Variants in MAP4 observed in about 807,000 individuals in gnomAD.
The protein encoded by MAP4 is microtubule-associated protein 4.
In MAP4, 76 loss-of-function variants were observed where a neutral mutation model predicts 170.2. That is an observed-to-expected ratio of 0.45 (90% CI 0.37 to 0.54). The LOEUF (loss-of-function observed/expected upper bound fraction) is 0.54, where lower values mean the gene tolerates loss of function less well. Among genes scored for constraint, MAP4 ranks in the 20% least tolerant of loss-of-function variants. The pLI, the probability that MAP4 is intolerant of heterozygous loss-of-function variation, is 0.00. For missense variants in MAP4, 2,506 were observed against 2,748.0 expected, an observed-to-expected ratio of 0.91 and a Z score of 1.97; for synonymous variants, 909 against 994.5, an observed-to-expected ratio of 0.91 and a Z score of 1.62.
intron 1 of MAP4, among the ~76,000 whole-genome samples, chr3:48,012,321 C>T (rs1330342038): frequency 1.3e-5 from 2 of 152,136 alleles, no homozygotes; most frequent in Non-Finnish European, 2.9e-5. Context: ...TCTTTGATGT[C>T]CACGTGCCTA....
In MAP4 at chr3:47,911,843, G is replaced by A. The variant is rs1364525062; in HGVS notation, c.2578C>T (p.Pro860Ser). ...GCAGTTTTGGGGGCTTCTTCAGAAG[G>A]ATATAAAGGAATTCTGAGACTCTCT... Reference protein sequence around the residue: ...VSESLRIPLYPSEEAPKTAIS... With the variant: ...VSESLRIPLYSSEEAPKTAIS... The change falls in exon 9 of 21, where the codon CCT becomes TCT. Residue 860 changes from proline to serine, a missense_variant. Transcript: ENST00000683076. The surrounding 1 kb of genome is among the most constrained non-coding windows in gnomAD (Gnocchi z 4.0). 2.0e-6 allele frequency: 3 copies of A among 1,536,090 alleles called. No homozygotes were observed. Among genetic ancestry groups the A allele is most frequent in the Middle Eastern group, 1.7e-4 (1 of 5,990 alleles).
intron 1 of MAP4, among the ~76,000 whole-genome samples, chr3:48,076,227 TG>T (rs2100143811): frequency 6.6e-6 from 1 of 151,908 alleles, no homozygotes; most frequent in South Asian, 2.1e-4. Context: ...CCGGGCGCAG[TG>T]GCTCACGCCT....
At chr3:47,955,435 TACACACACACACACACACACACACACAC>T (rs3079351) in intron 3 of MAP4, among the ~76,000 whole-genome samples, 8 of 135,398 alleles carry the variant, frequency 5.9e-5, no homozygotes, top group Admixed American at 1.5e-4. Context: ...AATAAGCACG[TACACACACACACACACACACACACACAC>T]ACACACACAC....
At chr3:47,992,887 GA>G (rs2100093218) in intron 2 of MAP4, among the ~76,000 whole-genome samples, 2 of 145,928 alleles carry the variant, frequency 1.4e-5, no homozygotes, top group African/African-American at 5.1e-5. Flanking sequence ...CTGGGTGACA[GA>G]GAGACACTCC....
intron 1 of MAP4, among the ~76,000 whole-genome samples, chr3:48,067,510 T>C (rs1398998876): frequency 6.6e-6 from 1 of 152,164 alleles, no homozygotes; most frequent in East Asian, 1.9e-4. Flanking sequence ...TTACATGTTT[T>C]GTAGAGACAG....
In MAP4 at chr3:47,868,817, G is replaced by A. The variant is rs146237851; in HGVS notation, c.6408+397C>T. On this transcript the variant is annotated intron_variant, in intron 16 of 20. Coordinates refer to ENST00000683076, the MANE Select transcript of MAP4 (RefSeq NM_001385682.1). ...TCTTCTACTTCAAGGTAAAGCACAG[G>A]GGCTCCAGGGTTCCAGGTGGTGGAA... Among the ~76,000 whole-genome samples the A allele has an allele frequency of 8.2e-4, 125 of 152,244 alleles. No homozygotes were observed. In the East Asian group the frequency reaches 0.022, roughly 26 times the overall value.
At chr3:47,887,038 G>A (rs533799243) in intron 10 of MAP4, among the ~76,000 whole-genome samples, 3 of 152,362 alleles carry the variant, frequency 2.0e-5, no homozygotes, top group South Asian at 4.1e-4. Flanking sequence ...AGGTGACAGC[G>A]TGCTGGCAGT....
At chr3:47,907,411 G>A (rs939631685) in intron 9 of MAP4, among the ~76,000 whole-genome samples, 2 of 152,096 alleles carry the variant, frequency 1.3e-5, no homozygotes, top group African/African-American at 4.8e-5. Flanking sequence ...TCGACAATTA[G>A]TTTAAAAATT....
intron 5 of MAP4, 152 bp from the exon 6 acceptor site, chr3:47,918,993 G>A (rs550251600): frequency 1.1e-5 from 6 of 548,968 alleles, no homozygotes; most frequent in Admixed American, 5.9e-5. Context: ...GTGAAGTGGC[G>A]TGATCTCGGC....
chr3:48,081,674 A>G (rs1435489887), intron 1 of MAP4, among the ~76,000 whole-genome samples: 1 of 152,168 alleles, frequency 6.6e-6, no homozygotes. Context: ...ACTCATGTTT[A>G]TATTTATATA....
chr3:47,865,969 A>G (rs2078829959), intron 17 of MAP4, among the ~76,000 whole-genome samples: 1 of 152,180 alleles, frequency 6.6e-6, no homozygotes, highest in African/African-American at 2.4e-5. Context: ...CCTAATACAC[A>G]TCATAGAGCT....
intron 1 of MAP4, among the ~76,000 whole-genome samples, chr3:48,035,306 G>GAA (rs112974333): frequency 7.6e-6 from 1 of 132,424 alleles, no homozygotes; most frequent in Non-Finnish European, 1.6e-5. Context: ...GAAGAAAAAG[G>GAA]AAAAAAAAAA....
At chr3:48,050,325 A>G (rs952160271) in intron 1 of MAP4, among the ~76,000 whole-genome samples, 5 of 151,986 alleles carry the variant, frequency 3.3e-5, no homozygotes, top group Non-Finnish European at 5.9e-5. Context: ...TTTGTGTTAC[A>G]TGTACTACAC....
chr3:47,958,729 G>A (rs2100069437), intron 3 of MAP4, among the ~76,000 whole-genome samples: 2 of 148,786 alleles, frequency 1.3e-5, no homozygotes. Flanking sequence ...CTGTCATCAG[G>A]ATGGAGTGCA....
intron 3 of MAP4, among the ~76,000 whole-genome samples, chr3:47,961,480 G>A (rs890775628): frequency 3.3e-5 from 5 of 152,178 alleles, no homozygotes; most frequent in African/African-American, 4.8e-5. Context: ...AGAAACATAA[G>A]AGTTTCATTG....
intron 16 of MAP4, among the ~76,000 whole-genome samples, chr3:47,868,146 A>G (rs867596414): frequency 6.6e-6 from 1 of 152,208 alleles, no homozygotes; most frequent in Non-Finnish European, 1.5e-5. Flanking sequence ...ACTGTATAGT[A>G]CGGGAATGGC....
intron 1 of MAP4, among the ~76,000 whole-genome samples, chr3:48,035,306 GA>G (rs112974333): frequency 2.6e-3 from 346 of 132,326 alleles, no homozygotes; most frequent in Non-Finnish European, 3.8e-3. Flanking sequence ...GAAGAAAAAG[GA>G]AAAAAAAAAA....
intron 3 of MAP4, among the ~76,000 whole-genome samples, chr3:47,942,811 G>A (rs555945217): frequency 5.9e-5 from 9 of 152,230 alleles, no homozygotes; most frequent in African/African-American, 1.9e-4. Context: ...CTATAAATTT[G>A]AAATTATTTC....
intron 3 of MAP4, among the ~76,000 whole-genome samples, chr3:47,953,606 A>G (rs2100065913): frequency 6.6e-6 from 1 of 152,232 alleles, no homozygotes; most frequent in Non-Finnish European, 1.5e-5. Context: ...AGCAAGATGT[A>G]GAAGAGGCAA....
Sources: allele counts gnomAD v4.1 joint callset (sites outside exome capture counted in the v4.1 genomes callset), GRCh38; gene constraint gnomAD v4.1.1; non-coding constraint Gnocchi (gnomAD v3.1); transcripts MANE v1.5; gene names NCBI Gene and HGNC (gene_info 2026-07-23, HGNC 2026-07-21).